ARID4B: variants seen among roughly 807,000 people sequenced by gnomAD.
The protein encoded by ARID4B is AT-rich interaction domain 4B, also known as AT-rich interactive domain-containing protein 4B.
ARID4B carries 26 observed loss-of-function variants against 147.5 expected under a neutral mutation model. The ratio of observed to expected loss-of-function variants is 0.18; its 90% CI spans 0.13 to 0.24. The LOEUF (loss-of-function observed/expected upper bound fraction) is 0.24, where lower values mean the gene tolerates loss of function less well. ARID4B is among the 10% of genes least tolerant of loss of function. The probability of loss-of-function intolerance (pLI) is 1.00; values close to 1 mark genes in which losing one functional copy is unlikely to be tolerated. For synonymous variants in ARID4B, 512 were observed against 507.9 expected (o/e 1.01, Z -0.11); for missense variants, 1,179 against 1,511.5 (o/e 0.78, Z 3.65).
chr1:235,249,802 T>G (rs1340102799), intron 6 of ARID4B, among the ~76,000 whole-genome samples: 1 of 151,674 alleles, frequency 6.6e-6, no homozygotes, highest in East Asian at 1.9e-4. Context: ...TAGCTGGGCG[T>G]GGTGGCACAC....
rs190416415 is a variant in ARID4B, at chr1:235,264,828, C to T, written c.7-4076G>A. On this transcript the variant is annotated intron_variant, in intron 2 of 23. Coordinates refer to ENST00000264183, the MANE Select transcript of ARID4B (RefSeq NM_016374.6). ...ATCCCAGCACTTTGGGAGGCCAAGGCGGGTGGATTACCTGAAGGTCAGGAG... is the reference window on the plus strand; with the variant it reads ...ATCCCAGCACTTTGGGAGGCCAAGGTGGGTGGATTACCTGAAGGTCAGGAG... Among the ~76,000 whole-genome samples, 354 of 151,768 alleles carry T rather than the reference C, an allele frequency of 2.3e-3. 1 individual carries two copies. Among genetic ancestry groups the T allele is most frequent in the Non-Finnish European group, 4.0e-3 (275 of 67,908 alleles).
intron 20 of ARID4B, chr1:235,181,062 C>T: frequency 1.0e-6 from 1 of 997,584 alleles, no homozygotes; most frequent in Non-Finnish European, 1.2e-6. Context: ...AATTCCTTTA[C>T]AAACTCACAC....
At chr1:235,186,410 TA>T (rs1399500016) in intron 19 of ARID4B, among the ~76,000 whole-genome samples, 12 of 150,196 alleles carry the variant, frequency 8.0e-5, no homozygotes, top group African/African-American at 3.0e-4. Context: ...TGAATTTGCT[TA>T]TTTTTTTTTT....
In ARID4B at chr1:235,304,163, C is replaced by A. The variant is rs927821639; in HGVS notation, c.6+22751G>T. On this transcript the variant is annotated intron_variant, in intron 2 of 23. Transcript: ENST00000264183. The stretch of plus-strand genomic sequence containing the variant: ...CTTGAGTCCAGGAGTTTGAGACCAG[C>A]GTGGCAACATGGTGAAACCCTGCCT... Among the ~76,000 whole-genome samples, 3 of 152,194 alleles carry A rather than the reference C, an allele frequency of 2.0e-5. No individual in the cohort carries two copies. The East Asian group carries it at 5.8e-4, about 29-fold the overall frequency.
intron 2 of ARID4B, among the ~76,000 whole-genome samples, chr1:235,288,367 C>T (rs1335401286): frequency 1.3e-5 from 2 of 152,008 alleles, no homozygotes; most frequent in African/African-American, 4.8e-5. Flanking sequence ...AATCACTATT[C>T]TCATTTTGGC....
At chr1:235,293,339 T>G (rs977701499) in intron 2 of ARID4B, among the ~76,000 whole-genome samples, 2 of 152,200 alleles carry the variant, frequency 1.3e-5, no homozygotes, top group African/African-American at 4.8e-5. Flanking sequence ...TATAATGAAG[T>G]AGTACATGCT....
At chr1:235,198,652 G>A (rs1373000475) in intron 17 of ARID4B, among the ~76,000 whole-genome samples, 3 of 152,204 alleles carry the variant, frequency 2.0e-5, no homozygotes, top group African/African-American at 7.2e-5. Context: ...CTGGATGTCA[G>A]AAAAATGTTA....
chr1:235,214,976 G>A (rs1558209643), intron 16 of ARID4B, among the ~76,000 whole-genome samples: 2 of 151,384 alleles, frequency 1.3e-5, no homozygotes, highest in Non-Finnish European at 2.9e-5. Flanking sequence ...CAAGTAGCTG[G>A]GATTACAGGC....
chr1:235,285,658 C>T (rs1291507475), intron 2 of ARID4B, among the ~76,000 whole-genome samples: 2 of 152,156 alleles, frequency 1.3e-5, no homozygotes, highest in Non-Finnish European at 2.9e-5. Context: ...ATAGTAGCTG[C>T]CTTTACTGAC....
chr1:235,301,168 G>A (rs1475213351), intron 2 of ARID4B, among the ~76,000 whole-genome samples: 5 of 150,340 alleles, frequency 3.3e-5, no homozygotes, highest in Non-Finnish European at 7.4e-5. Flanking sequence ...TTATAGGCGT[G>A]AGCCACCACA....
At chr1:235,265,030 A>G (rs1474204443) in intron 2 of ARID4B, among the ~76,000 whole-genome samples, 1 of 148,140 alleles carries the variant, frequency 6.8e-6, no homozygotes, top group African/African-American at 2.5e-5. Flanking sequence ...GTTGCACTCC[A>G]GCCTGGGCAA....
At chr1:235,259,755 C>T (rs1670187022) in intron 3 of ARID4B, among the ~76,000 whole-genome samples, 1 of 152,212 alleles carries the variant, frequency 6.6e-6, no homozygotes. Context: ...TTTTTCAACA[C>T]ATCCATGCAT....
At chr1:235,171,180 C>A (rs948280372) in intron 23 of ARID4B, among the ~76,000 whole-genome samples, 1 of 151,902 alleles carries the variant, frequency 6.6e-6, no homozygotes, top group South Asian at 2.1e-4. Flanking sequence ...GCCTGTAATC[C>A]CAGCACTTTG....
intron 2 of ARID4B, among the ~76,000 whole-genome samples, chr1:235,323,224 G>A (rs1471286897): frequency 2.6e-5 from 4 of 151,720 alleles, no homozygotes; most frequent in Non-Finnish European, 4.4e-5. Context: ...ACTTTTAGTA[G>A]AGACGGGGTT....
At chr1:235,326,804 AAC>A in intron 2 of ARID4B, 108 bp downstream of exon 2, 1 of 1,426,334 alleles carries the variant, frequency 7.0e-7, no homozygotes, top group African/African-American at 1.4e-5. Flanking sequence ...CAAGTCACCA[AAC>A]ACACCTTCCT....
chr1:235,268,196 G>A (rs569683079), intron 2 of ARID4B, among the ~76,000 whole-genome samples: 57 of 152,132 alleles, frequency 3.7e-4, no homozygotes, highest in African/African-American at 1.3e-3. Context: ...ATAAGTAAAT[G>A]GACTAATCAA....
At chr1:235,277,367 C>T (rs1015432599) in intron 2 of ARID4B, among the ~76,000 whole-genome samples, 5 of 151,854 alleles carry the variant, frequency 3.3e-5, no homozygotes, top group African/African-American at 4.8e-5. Flanking sequence ...TAGTGAAACC[C>T]GGTCTCTACT....
At chr1:235,275,268 T>C (rs1427386390) in intron 2 of ARID4B, among the ~76,000 whole-genome samples, 1 of 152,206 alleles carries the variant, frequency 6.6e-6, no homozygotes, top group Admixed American at 6.5e-5. Context: ...TTCATTAGAC[T>C]GCTAGCCACC....
chr1:235,276,868 C>T (rs560949116), intron 2 of ARID4B, among the ~76,000 whole-genome samples: 1 of 151,442 alleles, frequency 6.6e-6, no homozygotes, highest in East Asian at 1.9e-4. Flanking sequence ...GGAGTGGTAG[C>T]GGGTGCCTGT....
Sources: allele counts gnomAD v4.1 joint callset (sites outside exome capture counted in the v4.1 genomes callset), GRCh38; gene constraint gnomAD v4.1.1; transcripts MANE v1.5; gene names NCBI Gene and HGNC (gene_info 2026-07-23, HGNC 2026-07-21).